Variants in KRTCAP3 observed in about 807,000 individuals in gnomAD.
The protein encoded by KRTCAP3 is keratinocyte associated protein 3.
In KRTCAP3, 18 loss-of-function variants were observed where a neutral mutation model predicts 20.5. The ratio of observed to expected loss-of-function variants is 0.88; its 90% CI spans 0.61 to 1.31. The LOEUF is 1.31. KRTCAP3 is among the 50% of genes most tolerant of loss of function. KRTCAP3 has a pLI of 0.00. For missense variants in KRTCAP3, 347 were observed against 310.4 expected (o/e 1.12, Z -0.89); for synonymous variants, 167 against 133.7 (o/e 1.25, Z -1.72).
At chr2:27,445,602 TTTTC>T (rs1665004187), downstream of KRTCAP3, 4 of 1,302,130 alleles carry the variant, frequency 3.1e-6, no homozygotes, top group African/African-American at 1.5e-5. This position sits in a 1 kb window ranked among gnomAD's most constrained non-coding sequence, Gnocchi z 4.4. Context: ...AGTCACAGCC[TTTTC>T]TTTCTATTTT....
At chr2:27,444,524 G>A (rs1201105123), downstream of KRTCAP3, 3 of 1,612,154 alleles carry the variant, frequency 1.9e-6, no homozygotes, top group Non-Finnish European at 2.5e-6. Context: ...TGGGAGGTCT[G>A]TGAGCAAATG....
At chr2:27,446,480 A>C, downstream of KRTCAP3, 54 of 770,746 alleles carry the variant, frequency 7.0e-5, no homozygotes, top group Non-Finnish European at 9.7e-5. Context: ...CTGGATTCTC[A>C]AGCTGTTCTG....
In KRTCAP3 at chr2:27,443,173, G is replaced by GGCC. The variant is rs760063156; in HGVS notation, c.380_382dup (p.Arg127dup). 2 of 1,613,982 alleles carry GGCC rather than the reference G, an allele frequency of 1.2e-6. No homozygotes were observed. The highest frequency in any genetic ancestry group is 2.7e-5 in the African/African-American group (2 of 74,902). On this transcript the variant is annotated inframe_insertion, in exon 4 of 7. Transcript: ENST00000288873. ...TGTGTCACTCACTGTGGCCAACGGT[G>GGCC]GCCGCCGCCTTATTGCTGACTGCCA...
At chr2:27,446,259 C>A, downstream of KRTCAP3, 1 of 1,614,070 alleles carries the variant, frequency 6.2e-7, no homozygotes, top group Non-Finnish European at 8.5e-7. Context: ...TCCCAGCTCA[C>A]CTTGGCAGCA....
downstream of KRTCAP3, chr2:27,446,199 A>G (rs1283371601): frequency 6.6e-7 from 1 of 1,521,842 alleles, no homozygotes; most frequent in Non-Finnish European, 9.1e-7. Context: ...CAGAAGGGAT[A>G]TTCTATTTTC....
chr2:27,445,746 G>A (rs550224307), downstream of KRTCAP3: 8 of 1,614,140 alleles, frequency 5.0e-6, no homozygotes, highest in South Asian at 3.3e-5. The surrounding 1 kb of genome is among the most constrained non-coding windows in gnomAD (Gnocchi z 4.4). Flanking sequence ...TGCCCTTACC[G>A]GTACATGCTG....
At chr2:27,442,955 G>T in intron 3 of KRTCAP3, 54 bp downstream of exon 3, 1 of 1,594,106 alleles carries the variant, frequency 6.3e-7, no homozygotes, top group Non-Finnish European at 8.6e-7. Context: ...CAGGGAAATG[G>T]GGGCTGACTG....
chr2:27,443,581 T>C, intron 5 of KRTCAP3, 49 bp downstream of exon 5: 2 of 1,607,762 alleles, frequency 1.2e-6, no homozygotes, highest in Non-Finnish European at 8.5e-7. Flanking sequence ...CTGGCTGTGT[T>C]GAAAAGATGC....
In KRTCAP3 at chr2:27,442,600, G is replaced by A. The variant is rs760505914; in HGVS notation, c.50G>A (p.Arg17Gln). Residue 17 changes from arginine (R) to glutamine (Q), a missense_variant, in exon 2 of 7, where the codon CGG becomes CAG. By Grantham distance (43) the Arg-to-Gln change is conservative. Transcript: ENST00000288873. The stretch of plus-strand genomic sequence containing the variant: ...GCAGACGCCGCCCGGGGGCCCAGGC[G>A]GCTGATGCGTGTGGGCCTCGCGCTG... ...CAFDAARGPR[R>Q]LMRVGLALIL... is the part of the protein sequence containing the mutation. 11 of 1,547,766 alleles carry A rather than the reference G, an allele frequency of 7.1e-6. No homozygotes were observed. In the East Asian group the frequency reaches 9.1e-5, roughly 13 times the overall value.
downstream of KRTCAP3, chr2:27,445,387 C>T (rs1374133087): frequency 6.2e-7 from 1 of 1,612,584 alleles, no homozygotes; most frequent in African/African-American, 1.3e-5. This position sits in a 1 kb window ranked among gnomAD's most constrained non-coding sequence, Gnocchi z 4.4. Flanking sequence ...GCAGAACCTG[C>T]TCCAGCCGCT....
chr2:27,444,951 G>GTT, downstream of KRTCAP3: 29 of 1,513,112 alleles, frequency 1.9e-5, no homozygotes, highest in African/African-American at 3.2e-4. Context: ...ACCCAGACTT[G>GTT]TTTTTTTTTC....
intron 5 of KRTCAP3, 26 bp from the exon 6 acceptor site, chr2:27,443,923 G>A: frequency 8.2e-7 from 1 of 1,226,946 alleles, no homozygotes; most frequent in Non-Finnish European, 1.2e-6. Context: ...CAGGGCGAGG[G>A]TGTCTAACTC....
At chr2:27,442,787 C>A (rs768820932) in intron 2 of KRTCAP3, 24 bp downstream of exon 2, 3 of 1,610,980 alleles carry the variant, frequency 1.9e-6, no homozygotes, top group Admixed American at 1.7e-5. Flanking sequence ...GCGACCCGGG[C>A]GGGGGCCGGG....
At chr2:27,443,570 A>G (rs1664754157) in intron 5 of KRTCAP3, 38 bp downstream of exon 5, 1 of 1,611,902 alleles carries the variant, frequency 6.2e-7, no homozygotes, top group African/African-American at 1.3e-5. Flanking sequence ...TTCCACAGAG[A>G]CTGGCTGTGT....
chr2:27,442,657 G>A lies in KRTCAP3; in HGVS notation c.107G>A (p.Gly36Glu). 6.3e-7 allele frequency: 1 copy of A among 1,582,752 alleles called. No homozygotes were observed. The highest frequency in any genetic ancestry group is 8.6e-7 in the Non-Finnish European group (1 of 1,164,512). ...ILVGHVNLLL[G>E]AVLHGTVLRH... Reference sequence around the variant, plus strand: ...GTGGGCCACGTGAACCTGCTGCTGGGGGCCGTGCTGCATGGCACCGTCCTG... The same window carrying A: ...GTGGGCCACGTGAACCTGCTGCTGGAGGCCGTGCTGCATGGCACCGTCCTG... The change falls in exon 2 of 7, where the codon GGG (glycine) becomes GAG (glutamate). Residue 36 changes from glycine to glutamate, a missense_variant. Transcript: ENST00000288873.
At position 27,442,853 on chromosome 2, in the gene KRTCAP3, G is replaced by C. The variant is rs1664700720; in HGVS notation, c.225G>C (p.Val75=). The C allele has an allele frequency of 1.9e-6, 3 of 1,612,030 alleles. No homozygotes were observed. The highest frequency in any genetic ancestry group is 3.3e-5 in the Admixed American group (2 of 60,012). The change falls in exon 3 of 7, where the codon GTG becomes GTC. Residue 75 remains valine, a synonymous_variant. Transcript: ENST00000288873. ...TGTGTCTTCCACAGAGCGTTTCCGTGGGACTTGTGGCCCTCCTGGCGTCCA... is the reference window on the plus strand; with the variant it reads ...TGTGTCTTCCACAGAGCGTTTCCGTCGGACTTGTGGCCCTCCTGGCGTCCA... ...SVGSGLLSVS[V]GLVALLASRN...
chr2:27,445,383 C>G, downstream of KRTCAP3: 1 of 1,612,736 alleles, frequency 6.2e-7, no homozygotes, highest in Admixed American at 1.7e-5. The surrounding 1 kb of genome is among the most constrained non-coding windows in gnomAD (Gnocchi z 4.4). Flanking sequence ...CGAGGCAGAA[C>G]CTGCTCCAGC....
downstream of KRTCAP3, chr2:27,445,426 T>G: frequency 1.2e-6 from 2 of 1,611,668 alleles, no homozygotes; most frequent in Middle Eastern, 3.4e-4. The surrounding 1 kb of genome is among the most constrained non-coding windows in gnomAD (Gnocchi z 4.4). Context: ...GCACCCAGTC[T>G]CGAACCTCTT....
At chr2:27,445,532 C>A, downstream of KRTCAP3, 1 of 1,468,062 alleles carries the variant, frequency 6.8e-7, no homozygotes. The surrounding 1 kb of genome is among the most constrained non-coding windows in gnomAD (Gnocchi z 4.4). Flanking sequence ...AGGGGGTTTG[C>A]TAAGCCCTCA....
Sources: allele counts gnomAD v4.1 joint callset, GRCh38; gene constraint gnomAD v4.1.1; non-coding constraint Gnocchi (gnomAD v3.1); transcripts MANE v1.5; gene names NCBI Gene and HGNC (gene_info 2026-07-23, HGNC 2026-07-21).